ABR: variants seen among roughly 807,000 people sequenced by gnomAD.
The protein encoded by ABR is active breakpoint cluster region-related protein.
ABR carries 35 observed loss-of-function variants against 107.2 expected under a neutral mutation model. The ratio of observed to expected loss-of-function variants is 0.33; its 90% CI spans 0.25 to 0.43. ABR has a LOEUF of 0.43. Among genes scored for constraint, ABR ranks in the 20% least tolerant of loss-of-function variants. The probability of loss-of-function intolerance (pLI) is 1.00; values close to 1 mark genes in which losing one functional copy is unlikely to be tolerated. For synonymous variants in ABR, 498 were observed against 462.0 expected, an observed-to-expected ratio of 1.08 and a Z score of -1.00; for missense variants, 815 against 1,115.2, an observed-to-expected ratio of 0.73 and a Z score of 3.83.
At chr17:1,018,897 G>A (rs2071409687) in intron 16 of ABR, among the ~76,000 whole-genome samples, 1 of 152,212 alleles carries the variant, frequency 6.6e-6, no homozygotes, top group African/African-American at 2.4e-5. Flanking sequence ...TGAGGATGCT[G>A]CAGCTTAACG....
intron 16 of ABR, among the ~76,000 whole-genome samples, chr17:1,041,839 T>C (rs558284292): frequency 3.7e-4 from 56 of 152,246 alleles, no homozygotes; most frequent in African/African-American, 1.1e-3. Context: ...CTGCATTCGA[T>C]GCACCTAAAC....
At chr17:1,096,808 C>T (rs1402618759) in intron 3 of ABR, among the ~76,000 whole-genome samples, 6 of 114,342 alleles carry the variant, frequency 5.2e-5, no homozygotes, top group South Asian at 3.0e-4. Flanking sequence ...GAACCTGCCC[C>T]GGGAGGAGAG....
chr17:1,203,851 G>A (rs1208802171), intron 1 of ABR, among the ~76,000 whole-genome samples: 3 of 152,168 alleles, frequency 2.0e-5, no homozygotes, highest in Non-Finnish European at 4.4e-5. Flanking sequence ...TGTGTGTCCC[G>A]CCAGGACGTT....
intron 6 of ABR, 126 bp from the exon 7 acceptor site, chr17:1,073,803 G>T: frequency 1.3e-6 from 1 of 785,982 alleles, no homozygotes; most frequent in Non-Finnish European, 2.0e-6. Flanking sequence ...GGACACCAGA[G>T]TGAGCCCACG....
intron 16 of ABR, among the ~76,000 whole-genome samples, chr17:1,021,023 C>T (rs917414778): frequency 3.3e-5 from 5 of 152,166 alleles, no homozygotes; most frequent in African/African-American, 7.2e-5. Context: ...GCAGCTCGCC[C>T]CAAGGTCTTC....
intron 1 of ABR, among the ~76,000 whole-genome samples, chr17:1,156,361 C>T (rs2041041835): frequency 6.6e-6 from 1 of 152,114 alleles, no homozygotes; most frequent in African/African-American, 2.4e-5. Flanking sequence ...AAAAAGGCCT[C>T]TCCTGAGTTC....
intron 4 of ABR, among the ~76,000 whole-genome samples, chr17:1,090,222 G>A (rs1328766745): frequency 6.6e-6 from 1 of 152,238 alleles, no homozygotes; most frequent in Admixed American, 6.5e-5. Context: ...AAAGTCCAGT[G>A]TCAGGAGCAC....
intron 3 of ABR, among the ~76,000 whole-genome samples, chr17:1,100,417 C>T (rs1346010828): frequency 6.6e-6 from 1 of 152,250 alleles, no homozygotes; most frequent in Non-Finnish European, 1.5e-5. Context: ...GTGTGCTTCT[C>T]CTGCCTTTTG....
In ABR at chr17:1,031,831, C is replaced by T. The variant is rs868636766; in HGVS notation, c.1791+18219G>A. The T allele has an allele frequency of 6.3e-5, 77 of 1,226,298 alleles. No homozygotes were observed. In the African/African-American group the frequency reaches 9.5e-4, roughly 15 times the overall value. 76.0% of individuals were successfully genotyped at this position (1,226,298 alleles called of 1,614,324 possible). On this transcript the variant is annotated intron_variant, in intron 16 of 22. Transcript: ENST00000302538. ...AGTCCCGCTAGTTCCCTAGTCCCGCCGGCTTTCCCCGCGCTCGCCTCCCTC... is the reference window on the plus strand; with the variant it reads ...AGTCCCGCTAGTTCCCTAGTCCCGCTGGCTTTCCCCGCGCTCGCCTCCCTC...
chr17:1,155,386 T>C (rs1597998261), intron 1 of ABR, among the ~76,000 whole-genome samples: 2 of 152,220 alleles, frequency 1.3e-5, no homozygotes, highest in East Asian at 3.9e-4. Context: ...CTTTCTACCA[T>C]ATTCAAAAAA....
At chr17:1,062,407 G>A (rs1161891299) in intron 10 of ABR, among the ~76,000 whole-genome samples, 27 of 145,204 alleles carry the variant, frequency 1.9e-4, no homozygotes, top group African/African-American at 6.6e-4. Context: ...TCTAGACACT[G>A]TTGTTACGTG....
At chr17:1,114,064 G>A (rs1021824574) in intron 2 of ABR, among the ~76,000 whole-genome samples, 3 of 151,958 alleles carry the variant, frequency 2.0e-5, no homozygotes, top group African/African-American at 7.3e-5. Flanking sequence ...CCGGCTTCTT[G>A]GGAGGCTGAG....
intron 22 of ABR, among the ~76,000 whole-genome samples, chr17:1,006,736 A>G (rs887438475): frequency 6.6e-6 from 1 of 151,348 alleles, no homozygotes; most frequent in Non-Finnish European, 1.5e-5. Flanking sequence ...GGCTGGTCTC[A>G]CCCTCCGCCA....
At chr17:1,178,898 C>A (rs1319472661) in intron 1 of ABR, among the ~76,000 whole-genome samples, 2 of 151,924 alleles carry the variant, frequency 1.3e-5, no homozygotes, top group Non-Finnish European at 2.9e-5. Context: ...CAAGCCCCCC[C>A]ACACCATTAC....
At chr17:1,108,260 G>A (rs905496448) in intron 2 of ABR, among the ~76,000 whole-genome samples, 7 of 152,176 alleles carry the variant, frequency 4.6e-5, no homozygotes, top group African/African-American at 1.2e-4. Context: ...TTCCGGGGCC[G>A]CCCCGCTCCT....
At chr17:1,215,984 G>A (rs892877326) in intron 1 of ABR, among the ~76,000 whole-genome samples, 8 of 134,850 alleles carry the variant, frequency 5.9e-5, no homozygotes, top group Admixed American at 3.1e-4. Flanking sequence ...CAGCGTGCTC[G>A]TTAAGAGTCA....
At chr17:1,178,854 G>T (rs2042012500) in intron 1 of ABR, among the ~76,000 whole-genome samples, 1 of 151,082 alleles carries the variant, frequency 6.6e-6, no homozygotes, top group Admixed American at 6.6e-5. Context: ...GCAAGGTGCG[G>T]TGGTGGGGGC....
upstream of ABR, among the ~76,000 whole-genome samples, chr17:1,188,326 A>G (rs1436381242): frequency 1.8e-4 from 27 of 152,298 alleles, no homozygotes; most frequent in African/African-American, 6.5e-4. Flanking sequence ...CGAGGCGGGC[A>G]GATCACTAGG....
intron 3 of ABR, among the ~76,000 whole-genome samples, chr17:1,098,819 CTT>C (rs2037667426): frequency 6.6e-6 from 1 of 152,202 alleles, no homozygotes; most frequent in South Asian, 2.1e-4. Context: ...GAGTTTCACT[CTT>C]GTTGCCCCGG....
Sources: gnomAD v4.1 joint callset for allele counts (sites outside exome capture counted in the v4.1 genomes callset) on GRCh38, gnomAD v4.1.1 for gene constraint, MANE v1.5 for transcripts, NCBI Gene and HGNC (gene_info 2026-07-23, HGNC 2026-07-21) for gene names.